The following LY86 variants were observed in gnomAD, a reference collection of about 807,000 sequenced individuals.
LY86 encodes lymphocyte antigen 86.
A neutral mutation model predicts 17.3 loss-of-function variants in LY86; 20 were observed. The observed-to-expected ratio is 1.15, with a 90% confidence interval of 0.81 to 1.68. The LOEUF is 1.68. Among genes scored for constraint, LY86 ranks in the 40% most tolerant of loss-of-function variants. The probability of loss-of-function intolerance (pLI) is 0.00; values close to 1 mark genes in which losing one functional copy is unlikely to be tolerated. For synonymous variants in LY86, 74 were observed against 70.6 expected (o/e 1.05, Z -0.24); for missense variants, 200 against 191.9 (o/e 1.04, Z -0.25).
At chr6:6,604,510 T>C (rs1184674354) in intron 1 of LY86, among the ~76,000 whole-genome samples, 1 of 152,084 alleles carries the variant, frequency 6.6e-6, no homozygotes, top group African/African-American at 2.4e-5. Context: ...ATGGACTGGA[T>C]GAAAGGTCTA....
At position 6,651,988 on chromosome 6, in the gene LY86, G is replaced by A. The variant is rs139279792; in HGVS notation, c.405+2311G>A. On this transcript the variant is annotated intron_variant, in intron 4 of 4. Coordinates refer to ENST00000230568, the MANE Select transcript of LY86 (RefSeq NM_004271.4). ...TGAGAATCGCTTGACCCCAGGAGGCGGAGGTTGCAGTGAGCCGAGATCACA... is the reference window on the plus strand; with the variant it reads ...TGAGAATCGCTTGACCCCAGGAGGCAGAGGTTGCAGTGAGCCGAGATCACA... 7.4e-3 allele frequency among the ~76,000 whole-genome samples: 1,074 copies of A among 145,348 alleles called. 10 individuals carry two copies. The highest frequency in any genetic ancestry group is 0.011 in the Non-Finnish European group (730 of 66,264).
chr6:6,612,920 G>A (rs900847219), intron 1 of LY86, among the ~76,000 whole-genome samples: 3 of 151,556 alleles, frequency 2.0e-5, no homozygotes, highest in African/African-American at 4.9e-5. Context: ...AGCTTAACTA[G>A]ATACAGAGTG....
intron 4 of LY86, 110 bp from the exon 5 acceptor site, chr6:6,654,434 A>T: frequency 2.5e-6 from 2 of 798,312 alleles, no homozygotes; most frequent in Non-Finnish European, 4.2e-6. Context: ...TACGTTATCC[A>T]CAATGTCCAG....
rs1488947207 is a variant in LY86 at position 6,600,618 on chromosome 6, A to T, written c.136+11748A>T. On this transcript the variant is annotated intron_variant, in intron 1 of 4. Coordinates refer to ENST00000230568, the MANE Select transcript of LY86 (RefSeq NM_004271.4). Reference sequence around the variant, plus strand: ...AAAAAAAAAAAAAAAAAAAAAAAAAAAAAAAAAAAAGAAAATATAGCAGGT... The same window carrying T: ...AAAAAAAAAAAAAAAAAAAAAAAAATAAAAAAAAAAGAAAATATAGCAGGT... Among the ~76,000 whole-genome samples, 99 of 137,170 alleles carry T rather than the reference A, an allele frequency of 7.2e-4. 1 individual carries two copies. The highest frequency in any genetic ancestry group is 2.3e-3 in the African/African-American group (84 of 36,094). The allele number at this position is 137,170 out of a possible 152,430, so 90.0% of individuals were successfully genotyped here.
rs556327971 is a variant in LY86 at position 6,602,570 on chromosome 6, G to C, written c.136+13700G>C. 2.3e-4 allele frequency among the ~76,000 whole-genome samples: 35 copies of C among 152,284 alleles called. No individual in the cohort carries two copies. The South Asian group carries it at 7.3e-3, about 32-fold the overall frequency. ...AAGAATTGAGTGCAAGTTTGTTTGA[G>C]AAATGATCCTGGTAGGCACCAGGAG... On this transcript the variant is annotated intron_variant, in intron 1 of 4. Transcript: ENST00000230568.
At chr6:6,626,187 A>T in intron 2 of LY86, 106 bp from the exon 3 acceptor site, 2 of 1,107,672 alleles carry the variant, frequency 1.8e-6, no homozygotes, top group Non-Finnish European at 2.6e-6. Flanking sequence ...AGAGAAGATT[A>T]ATGGAAACAA....
At chr6:6,651,457 T>G (rs1251528829) in intron 4 of LY86, among the ~76,000 whole-genome samples, 1 of 152,198 alleles carries the variant, frequency 6.6e-6, no homozygotes, top group Non-Finnish European at 1.5e-5. Flanking sequence ...TCTAGTTTCC[T>G]CCTCAGGCCT....
intron 1 of LY86, among the ~76,000 whole-genome samples, chr6:6,597,807 T>G (rs1760762527): frequency 6.6e-6 from 1 of 152,088 alleles, no homozygotes; most frequent in Non-Finnish European, 1.5e-5. Flanking sequence ...AGCCCAGAAA[T>G]CTCCACTCGC....
At chr6:6,606,508 C>T (rs1472336490) in intron 1 of LY86, among the ~76,000 whole-genome samples, 3 of 152,192 alleles carry the variant, frequency 2.0e-5, no homozygotes, top group African/African-American at 7.2e-5. Flanking sequence ...GGGACCGGGG[C>T]GCCGTGTAGC....
chr6:6,606,889 C>T (rs1278197380), intron 1 of LY86, among the ~76,000 whole-genome samples: 1 of 152,268 alleles, frequency 6.6e-6, no homozygotes, highest in Admixed American at 6.5e-5. Flanking sequence ...CAACGGCAGG[C>T]TGAAGGGCAC....
At chr6:6,617,178 A>G (rs1761574103) in intron 1 of LY86, among the ~76,000 whole-genome samples, 1 of 152,258 alleles carries the variant, frequency 6.6e-6, no homozygotes, top group African/African-American at 2.4e-5. Context: ...AGACTTGAGG[A>G]AGCCCTAGTA....
intron 3 of LY86, among the ~76,000 whole-genome samples, chr6:6,631,957 A>G (rs886940819): frequency 6.6e-5 from 10 of 152,228 alleles, no homozygotes; most frequent in African/African-American, 2.2e-4. Context: ...TTGACTGATC[A>G]GTCCTGCTCT....
At chr6:6,594,129 G>C (rs1425992415) in intron 1 of LY86, among the ~76,000 whole-genome samples, 2 of 152,310 alleles carry the variant, frequency 1.3e-5, no homozygotes, top group Admixed American at 6.5e-5. Flanking sequence ...AGGCAGAGGA[G>C]GACCTGTGAC....
In LY86 at chr6:6,596,964, C is replaced by T. The variant is rs551700226; in HGVS notation, c.136+8094C>T. Among the ~76,000 whole-genome samples, 10 of 152,240 alleles carry T rather than the reference C, an allele frequency of 6.6e-5. No homozygotes were observed. In the East Asian group the frequency reaches 7.7e-4, roughly 12 times the overall value. ...TGCAGGCAGGAAACGTTTTCCCAAA[C>T]GCTGTTCACAGCTATTTCCATCCTT... On this transcript the variant is annotated intron_variant, in intron 1 of 4. Transcript: ENST00000230568.
chr6:6,654,509 T>A (rs1762231694), intron 4 of LY86, 35 bp from the exon 5 acceptor site: 7 of 1,449,462 alleles, frequency 4.8e-6, no homozygotes, highest in Non-Finnish European at 6.8e-6. Context: ...GTACTGTGGG[T>A]CACACGTCTA....
At chr6:6,654,126 T>C (rs1407307167) in intron 4 of LY86, among the ~76,000 whole-genome samples, 2 of 152,260 alleles carry the variant, frequency 1.3e-5, no homozygotes, top group African/African-American at 4.8e-5. Context: ...CTGGCCTCCT[T>C]CTGCCCCTCT....
At chr6:6,617,769 A>G (rs989809979) in intron 1 of LY86, among the ~76,000 whole-genome samples, 1 of 151,996 alleles carries the variant, frequency 6.6e-6, no homozygotes, top group Non-Finnish European at 1.5e-5. Flanking sequence ...GCGCCATGGC[A>G]CCCTCTTGGT....
At chr6:6,624,575 T>C (rs1023601986) in intron 1 of LY86, among the ~76,000 whole-genome samples, 5 of 152,222 alleles carry the variant, frequency 3.3e-5, no homozygotes, top group Admixed American at 6.5e-5. Context: ...AAATCCGCTA[T>C]GCAATCCATG....
intron 3 of LY86, among the ~76,000 whole-genome samples, chr6:6,637,779 G>A (rs1761981424): frequency 6.6e-6 from 1 of 152,048 alleles, no homozygotes. Context: ...TCTTTCCCAG[G>A]GTTGCCCAGG....
Sources: allele counts gnomAD v4.1 joint callset (sites outside exome capture counted in the v4.1 genomes callset), GRCh38; gene constraint gnomAD v4.1.1; transcripts MANE v1.5; gene names NCBI Gene and HGNC (gene_info 2026-07-23, HGNC 2026-07-21).